Variants in ABCA13 observed in about 807,000 individuals in gnomAD.
ABCA13 encodes the protein ATP-binding cassette sub-family A member 13.
In ABCA13, 476 loss-of-function variants were observed where a neutral mutation model predicts 478.7. The ratio of observed to expected loss-of-function variants is 0.99; its 90% confidence interval spans 0.92 to 1.07. ABCA13 has a LOEUF of 1.07. Ranked by LOEUF, ABCA13 falls within the 50% of genes least tolerant of loss-of-function variation. The probability of loss-of-function intolerance (pLI) is 0.00; values close to 1 mark genes in which losing one functional copy is unlikely to be tolerated. For missense variants in ABCA13, 6,060 were observed against 5,910.6 expected (o/e 1.03, Z -0.83); for synonymous variants, 2,252 against 2,158.9 (o/e 1.04, Z -1.20).
intron 39 of ABCA13, 52 bp downstream of exon 39, chr7:48,403,931 G>A: frequency 6.4e-7 from 1 of 1,555,478 alleles, no homozygotes; most frequent in South Asian, 1.2e-5. Context: ...TGTGTTGCAG[G>A]AAATGCATTG....
chr7:48,326,376 G>T (rs534511208), intron 27 of ABCA13, among the ~76,000 whole-genome samples: 10 of 152,186 alleles, frequency 6.6e-5, no homozygotes, highest in African/African-American at 2.4e-4. Flanking sequence ...ATAACTAGCC[G>T]GCTGTAAATT....
At chr7:48,449,031 T>C (rs143195186) in intron 42 of ABCA13, among the ~76,000 whole-genome samples, 14,444 of 151,984 alleles carry the variant, frequency 0.095, 1,119 homozygotes, top group African/African-American at 0.22. Flanking sequence ...TTAGTAGAGA[T>C]GGGATTTCAC....
chr7:48,283,068 C>T (rs10499676), intron 19 of ABCA13, among the ~76,000 whole-genome samples: 44,021 of 152,054 alleles, frequency 0.29, 6,896 homozygotes, highest in Non-Finnish European at 0.36. Context: ...TGTTCTGGGC[C>T]TATTTTGTAC....
Position 48,376,504 on chromosome 7 carries a change from G to T in ABCA13, c.11267G>T (p.Cys3756Phe). 1 of 1,613,906 alleles carries T rather than the reference G, an allele frequency of 6.2e-7. No individual in the cohort carries two copies. Among genetic ancestry groups the T allele is most frequent in the African/African-American group, 1.3e-5 (1 of 75,040 alleles). ...GGGGGCATGACATTTGGCTGGGTTT[G>T]CTGGATGATTCTTTTTGATTCAAGC... ...EQGGMTFGWV[C>F]WMILFDSSLY... Residue 3756 changes from cysteine (C) to phenylalanine (F), a missense_variant, in exon 35 of 62, where the codon TGC becomes TTC. Around this residue, in one of 3 missense-constraint regions of ABCA13, gnomAD observed 10 missense variants for 30.5 expected, o/e 0.33. Transcript: ENST00000435803.
At chr7:48,190,208 G>A (rs555644437) in intron 1 of ABCA13, among the ~76,000 whole-genome samples, 6 of 152,080 alleles carry the variant, frequency 3.9e-5, no homozygotes, top group Non-Finnish European at 7.4e-5. Flanking sequence ...ACACTTCAGT[G>A]CAGTAATCCC....
chr7:48,485,607 A>C (rs915701239), intron 47 of ABCA13, among the ~76,000 whole-genome samples: 4 of 152,238 alleles, frequency 2.6e-5, no homozygotes, highest in Admixed American at 2.6e-4. Flanking sequence ...ACCGATCAGG[A>C]GTTCCAGAAC....
In ABCA13 at chr7:48,607,272, A is replaced by G. The variant is rs575567586; in HGVS notation, c.14745-8013A>G. ...CACGTTCCTACCAGTACGGTCTCTC[A>G]CAGATTCCTTTGGCTAGGAAAGGGA... On this transcript the variant is annotated intron_variant, in intron 58 of 61. Coordinates refer to ENST00000435803, the MANE Select transcript of ABCA13 (RefSeq NM_152701.5). 3.9e-5 allele frequency among the ~76,000 whole-genome samples: 6 copies of G among 152,316 alleles called. No individual in the cohort carries two copies. In the East Asian group the frequency reaches 1.2e-3, roughly 29 times the overall value.
At chr7:48,461,789 A>T (rs997002524) in intron 43 of ABCA13, among the ~76,000 whole-genome samples, 20 of 152,186 alleles carry the variant, frequency 1.3e-4, no homozygotes, top group Non-Finnish European at 2.6e-4. Context: ...CAGTGAACTC[A>T]CAGATGTTGG....
chr7:48,519,208 G>A (rs1245121390), intron 52 of ABCA13, among the ~76,000 whole-genome samples: 3 of 152,102 alleles, frequency 2.0e-5, no homozygotes, highest in Non-Finnish European at 4.4e-5. Context: ...TATCATTGAT[G>A]GGCATTTGGG....
At chr7:48,462,622 C>T (rs1372595083) in intron 43 of ABCA13, among the ~76,000 whole-genome samples, 1 of 152,018 alleles carries the variant, frequency 6.6e-6, no homozygotes, top group African/African-American at 2.4e-5. Context: ...GATTCTCCTG[C>T]CTCAGCCTCC....
intron 54 of ABCA13, among the ~76,000 whole-genome samples, chr7:48,526,725 G>GTA (rs1294191027): frequency 6.6e-6 from 1 of 152,112 alleles, no homozygotes; most frequent in East Asian, 1.9e-4. Context: ...CATAGACAAG[G>GTA]TACAGTTAAA....
In ABCA13 at chr7:48,376,039, C is replaced by T. The variant is rs190026813; in HGVS notation, c.11204-402C>T. On this transcript the variant is annotated intron_variant, in intron 34 of 61. Coordinates refer to ENST00000435803, the MANE Select transcript of ABCA13 (RefSeq NM_152701.5). The stretch of plus-strand genomic sequence containing the variant: ...ATTTCCCACCCTAGTTCTTATATAT[C>T]CTATTATATATTTTCCAAGAGCACA... Among the ~76,000 whole-genome samples the T allele has an allele frequency of 2.5e-3, 386 of 152,102 alleles. 1 individual carries two copies. The highest frequency in any genetic ancestry group is 3.6e-3 in the Non-Finnish European group (247 of 67,984).
chr7:48,502,420 G>A (rs1166816126), intron 48 of ABCA13, among the ~76,000 whole-genome samples: 2 of 152,172 alleles, frequency 1.3e-5, no homozygotes, highest in Admixed American at 6.5e-5. Context: ...GTATTTATGC[G>A]ACTTGATCAA....
intron 15 of ABCA13, among the ~76,000 whole-genome samples, chr7:48,255,969 C>G (rs1320375351): frequency 6.6e-6 from 1 of 152,122 alleles, no homozygotes; most frequent in African/African-American, 2.4e-5. Context: ...TCACCAGCAT[C>G]TGTTACTTTT....
chr7:48,439,070 T>G (rs77240375), intron 42 of ABCA13, among the ~76,000 whole-genome samples: 7 of 152,264 alleles, frequency 4.6e-5, no homozygotes, highest in Non-Finnish European at 1.0e-4. Flanking sequence ...CTATTGCTAT[T>G]AATAAATTAC....
chr7:48,417,524 T>A (rs2060328), intron 41 of ABCA13, among the ~76,000 whole-genome samples: 81,490 of 151,968 alleles, frequency 0.54, 22,412 homozygotes, highest in South Asian at 0.71. Context: ...ATTTTAATTT[T>A]AAAAACCTTT....
chr7:48,593,484 G>C lies in ABCA13; in HGVS notation c.14641-1226G>C, dbSNP rs1029971265. On this transcript the variant is annotated intron_variant, in intron 57 of 61. Coordinates refer to ENST00000435803, the MANE Select transcript of ABCA13 (RefSeq NM_152701.5). ...GTATTTCCATTAAAAAATTATTATA[G>C]CTATAGTTATTTTTAATACTTTGTG... 1.8e-4 allele frequency among the ~76,000 whole-genome samples: 27 copies of C among 151,034 alleles called. 1 individual carries two copies. Among genetic ancestry groups the C allele is most frequent in the African/African-American group, 6.3e-4 (26 of 41,046 alleles).
intron 58 of ABCA13, among the ~76,000 whole-genome samples, chr7:48,599,607 G>T (rs1461691095): frequency 1.3e-5 from 2 of 152,094 alleles, no homozygotes; most frequent in African/African-American, 4.8e-5. Flanking sequence ...TTTAGAACTA[G>T]AAATACCATT....
chr7:48,519,483 C>A (rs1306377012), intron 52 of ABCA13, among the ~76,000 whole-genome samples: 1 of 152,106 alleles, frequency 6.6e-6, no homozygotes, highest in African/African-American at 2.4e-5. Flanking sequence ...TCATTGTTAC[C>A]AAATCACAGT....
Sources: gnomAD v4.1 joint callset for allele counts (sites outside exome capture counted in the v4.1 genomes callset) on GRCh38, gnomAD v4.1.1 for gene constraint, gnomAD v4.1.1 regional missense constraint, MANE v1.5 for transcripts, NCBI Gene and HGNC (gene_info 2026-07-23, HGNC 2026-07-21) for gene names.